Variants in PTPRK observed in about 807,000 individuals in gnomAD.
PTPRK encodes the protein receptor-type tyrosine-protein phosphatase kappa.
In PTPRK, 75 loss-of-function variants were observed where a neutral mutation model predicts 178.0. The ratio of observed to expected loss-of-function variants is 0.42; its 90% CI spans 0.35 to 0.51. PTPRK has a LOEUF of 0.51. Ranked by LOEUF, PTPRK falls within the 20% of genes least tolerant of loss-of-function variation. The pLI, the probability that PTPRK is intolerant of heterozygous loss-of-function variation, is 0.02. For synonymous variants in PTPRK, 637 were observed against 620.6 expected, an observed-to-expected ratio of 1.03 and a Z score of -0.39; for missense variants, 1,441 against 1,797.8, an observed-to-expected ratio of 0.80 and a Z score of 3.59.
intron 11 of PTPRK, among the ~76,000 whole-genome samples, chr6:128,076,415 C>T (rs1783823902): frequency 6.6e-6 from 1 of 151,890 alleles, no homozygotes; most frequent in Admixed American, 6.6e-5. Flanking sequence ...TCTGGTCCCA[C>T]CACCTGGCAC....
At chr6:128,183,959 A>T (rs534906066) in intron 7 of PTPRK, among the ~76,000 whole-genome samples, 1 of 152,332 alleles carries the variant, frequency 6.6e-6, no homozygotes, top group Non-Finnish European at 1.5e-5. Flanking sequence ...GACATTCTGA[A>T]GAAAATAGTT....
chr6:128,413,417 G>A (rs543050774), intron 1 of PTPRK, among the ~76,000 whole-genome samples: 7 of 151,910 alleles, frequency 4.6e-5, no homozygotes, highest in Admixed American at 2.6e-4. Flanking sequence ...GAGGAGTTGC[G>A]AAAGACTCCC....
chr6:128,509,306 A>G (rs1283833874), intron 1 of PTPRK, among the ~76,000 whole-genome samples: 1 of 152,180 alleles, frequency 6.6e-6, no homozygotes, highest in East Asian at 1.9e-4. Flanking sequence ...TACATAGGAA[A>G]TACATATATG....
intron 6 of PTPRK, among the ~76,000 whole-genome samples, chr6:128,196,462 G>A (rs1377711159): frequency 1.3e-5 from 2 of 152,060 alleles, no homozygotes; most frequent in African/African-American, 4.8e-5. Context: ...TTTTATACCA[G>A]TGTGACAGCC....
chr6:128,134,183 C>T (rs1794679966), intron 7 of PTPRK, among the ~76,000 whole-genome samples: 1 of 151,976 alleles, frequency 6.6e-6, no homozygotes, highest in Non-Finnish European at 1.5e-5. Context: ...AACAAACATA[C>T]TTATGTATTT....
intron 5 of PTPRK, among the ~76,000 whole-genome samples, chr6:128,229,914 T>G (rs1439072376): frequency 1.3e-5 from 2 of 152,160 alleles, no homozygotes; most frequent in African/African-American, 4.8e-5. Flanking sequence ...GGTAACCAAA[T>G]AGTAGATTAG....
intron 1 of PTPRK, among the ~76,000 whole-genome samples, chr6:128,428,273 T>G (rs988537486): frequency 6.6e-6 from 1 of 152,158 alleles, no homozygotes; most frequent in Non-Finnish European, 1.5e-5. Context: ...CTCAGAATTA[T>G]AGTAGGACTT....
intron 7 of PTPRK, among the ~76,000 whole-genome samples, chr6:128,169,043 C>G (rs766196000): frequency 2.0e-5 from 3 of 151,912 alleles, no homozygotes; most frequent in Non-Finnish European, 2.9e-5. Flanking sequence ...AAATGAGAAA[C>G]AGAGAGCAGG....
intron 1 of PTPRK, among the ~76,000 whole-genome samples, chr6:128,476,270 A>C (rs1406367355): frequency 6.6e-6 from 1 of 152,066 alleles, no homozygotes; most frequent in Admixed American, 6.6e-5. Flanking sequence ...CACACACACA[A>C]ATGATAACTC....
At chr6:128,097,537 T>G (rs1018002405) in intron 7 of PTPRK, among the ~76,000 whole-genome samples, 2 of 152,184 alleles carry the variant, frequency 1.3e-5, no homozygotes, top group African/African-American at 4.8e-5. Context: ...TAAAGCCCAC[T>G]AAATGTCTTA....
chr6:128,228,233 T>A (rs1342165079), intron 5 of PTPRK, among the ~76,000 whole-genome samples: 1 of 151,846 alleles, frequency 6.6e-6, no homozygotes, highest in Non-Finnish European at 1.5e-5. Context: ...ATTTTTAATG[T>A]TTAGAATAAG....
At chr6:128,012,678 T>G (rs2114730431) in intron 13 of PTPRK, among the ~76,000 whole-genome samples, 1 of 151,464 alleles carries the variant, frequency 6.6e-6, no homozygotes, top group Middle Eastern at 3.4e-3. Flanking sequence ...CTAAAGTGAC[T>G]TGATCAATTG....
At chr6:128,254,558 T>C (rs1483867441) in intron 3 of PTPRK, among the ~76,000 whole-genome samples, 1 of 152,164 alleles carries the variant, frequency 6.6e-6, no homozygotes, top group African/African-American at 2.4e-5. Flanking sequence ...ACATTAAAAG[T>C]ATATGGTTCA....
chr6:128,345,896 A>T (rs1399407751), intron 2 of PTPRK, among the ~76,000 whole-genome samples: 1 of 152,186 alleles, frequency 6.6e-6, no homozygotes, highest in African/African-American at 2.4e-5. Context: ...CTAATCCTCA[A>T]AATAGAAGCA....
intron 21 of PTPRK, among the ~76,000 whole-genome samples, chr6:127,988,788 C>A (rs879624224): frequency 6.6e-6 from 1 of 151,774 alleles, no homozygotes; most frequent in Non-Finnish European, 1.5e-5. Context: ...TTTCAATAAA[C>A]AAGCTTTTTC....
intron 1 of PTPRK, among the ~76,000 whole-genome samples, chr6:128,486,857 A>AAGGG (rs71028125): frequency 0.12 from 17,640 of 150,352 alleles, 1,402 homozygotes; most frequent in African/African-American, 0.23. Context: ...AAAAAATAAA[A>AAGGG]AGGGAGGGAG....
Position 128,219,017 on chromosome 6 carries a change from T to G in PTPRK, c.773A>C (p.Gln258Pro). ...HRRFAASFRL[Q>P]EVTKTDQDLY... The stretch of plus-strand genomic sequence containing the variant: ...ATCCTGGTCAGTTTTTGTCACTTCT[T>G]GCAATCTGAAGGAAGCGGCAAACCT... The change falls in exon 6 of 30, where the codon CAA (glutamine) becomes CCA (proline). Residue 258 changes from glutamine to proline, a missense_variant. Physicochemically the swap from Gln to Pro is moderately conservative, Grantham distance 76. Coordinates refer to ENST00000368226, the MANE Select transcript of PTPRK (RefSeq NM_002844.4). 2.5e-6 allele frequency: 4 copies of G among 1,614,054 alleles called. No individual in the cohort carries two copies. Among genetic ancestry groups the G allele is most frequent in the Non-Finnish European group, 3.4e-6 (4 of 1,179,926 alleles).
At chr6:128,312,570 A>C (rs1486139137) in intron 3 of PTPRK, among the ~76,000 whole-genome samples, 1 of 152,166 alleles carries the variant, frequency 6.6e-6, no homozygotes, top group African/African-American at 2.4e-5. Flanking sequence ...TGGATGTTTT[A>C]TCTCTCTCAG....
chr6:128,204,562 G>C (rs531293624), intron 6 of PTPRK, among the ~76,000 whole-genome samples: 2 of 150,808 alleles, frequency 1.3e-5, no homozygotes, highest in African/African-American at 4.9e-5. Flanking sequence ...GAACTTAAGC[G>C]AATTTACAAG....
Sources: gnomAD v4.1 joint callset for allele counts (sites outside exome capture counted in the v4.1 genomes callset) on GRCh38, gnomAD v4.1.1 for gene constraint, MANE v1.5 for transcripts, NCBI Gene and HGNC (gene_info 2026-07-23, HGNC 2026-07-21) for gene names.